EGFLAM: variants seen among roughly 807,000 people sequenced by gnomAD.
The protein encoded by EGFLAM is pikachurin.
A neutral mutation model predicts 113.1 loss-of-function variants in EGFLAM; 79 were observed. The ratio of observed to expected loss-of-function variants is 0.70; its 90% CI spans 0.58 to 0.84. The LOEUF is 0.84. EGFLAM is among the 40% of genes least tolerant of loss of function. The pLI, the probability that EGFLAM is intolerant of heterozygous loss-of-function variation, is 0.00. For synonymous variants in EGFLAM, 504 were observed against 487.6 expected (o/e 1.03, Z -0.44); for missense variants, 1,265 against 1,291.6 (o/e 0.98, Z 0.32).
Position 38,332,247 on chromosome 5 carries a change from A to C in EGFLAM, c.98-5273A>C, listed in dbSNP as rs1167858538. ...ATCTTTTTTGGTGAGATGTCTGTTAAGGTCTTGGTCCATCTTTCTTTTTTG... is the reference window on the plus strand; with the variant it reads ...ATCTTTTTTGGTGAGATGTCTGTTACGGTCTTGGTCCATCTTTCTTTTTTG... On this transcript the variant is annotated intron_variant, in intron 1 of 21. Coordinates refer to ENST00000322350, the MANE Select transcript of EGFLAM (RefSeq NM_152403.4). Among the ~76,000 whole-genome samples the C allele has an allele frequency of 3.3e-5, 5 of 152,106 alleles. No homozygotes were observed. In the East Asian group the frequency reaches 9.6e-4, roughly 29 times the overall value.
intron 1 of EGFLAM, among the ~76,000 whole-genome samples, chr5:38,286,672 G>C (rs1202810893): frequency 6.6e-6 from 1 of 152,172 alleles, no homozygotes; most frequent in East Asian, 1.9e-4. Context: ...TGAAACTCCA[G>C]TAAATTTACC....
intron 6 of EGFLAM, among the ~76,000 whole-genome samples, chr5:38,372,450 C>T (rs184039872): frequency 2.0e-5 from 3 of 152,282 alleles, no homozygotes; most frequent in Admixed American, 6.5e-5. Flanking sequence ...TGAGCCATGA[C>T]GCCCGGCCTC....
intron 15 of EGFLAM, among the ~76,000 whole-genome samples, chr5:38,433,181 C>A (rs1742240552): frequency 1.3e-5 from 2 of 152,198 alleles, no homozygotes; most frequent in African/African-American, 4.8e-5. Context: ...AGCTCAGAGA[C>A]AGGTAGGGCA....
At chr5:38,440,738 C>T (rs925846718) in intron 17 of EGFLAM, among the ~76,000 whole-genome samples, 1 of 152,068 alleles carries the variant, frequency 6.6e-6, no homozygotes, top group African/African-American at 2.4e-5. Context: ...AGAGCCTGTT[C>T]CCAGTATTCC....
intron 10 of EGFLAM, among the ~76,000 whole-genome samples, chr5:38,411,643 C>T (rs558261976): frequency 1.3e-5 from 2 of 151,484 alleles, no homozygotes; most frequent in South Asian, 4.2e-4. Flanking sequence ...CCATCGTGCT[C>T]AGTTAACTTT....
intron 17 of EGFLAM, among the ~76,000 whole-genome samples, chr5:38,441,050 G>A (rs1742516638): frequency 6.6e-6 from 1 of 152,108 alleles, no homozygotes; most frequent in Non-Finnish European, 1.5e-5. Flanking sequence ...TGGTTTCAGG[G>A]CCCCCGCTTT....
intron 6 of EGFLAM, among the ~76,000 whole-genome samples, chr5:38,393,209 G>T (rs773228207): frequency 1.3e-5 from 2 of 152,152 alleles, no homozygotes; most frequent in East Asian, 3.8e-4. Context: ...ACATCTTTAT[G>T]ATATAGAATC....
intron 1 of EGFLAM, among the ~76,000 whole-genome samples, chr5:38,327,241 C>T (rs1264467071): frequency 6.6e-6 from 1 of 152,166 alleles, no homozygotes; most frequent in Non-Finnish European, 1.5e-5. Flanking sequence ...TTGCTCCAAC[C>T]CAACTGGTGC....
intron 15 of EGFLAM, among the ~76,000 whole-genome samples, chr5:38,434,620 A>G (rs1742287657): frequency 6.6e-6 from 1 of 152,236 alleles, no homozygotes; most frequent in Admixed American, 6.5e-5. Flanking sequence ...ATACATATCC[A>G]CCAATGGTTA....
intron 11 of EGFLAM, among the ~76,000 whole-genome samples, chr5:38,417,737 A>G (rs10512684): frequency 0.16 from 23,978 of 152,118 alleles, 2,007 homozygotes; most frequent in East Asian, 0.24. Flanking sequence ...ACTGGTGTCA[A>G]GACTGGAAAG....
chr5:38,280,109 G>T (rs1373472590), intron 1 of EGFLAM, among the ~76,000 whole-genome samples: 2 of 152,152 alleles, frequency 1.3e-5, no homozygotes, highest in Non-Finnish European at 2.9e-5. Flanking sequence ...TTGCTAGTTG[G>T]TGCATATACA....
In EGFLAM at chr5:38,418,222, C is replaced by A. The variant is rs369365945; in HGVS notation, c.1651C>A (p.Pro551Thr). 2 of 1,613,730 alleles carry A rather than the reference C, an allele frequency of 1.2e-6. No homozygotes were observed. Among genetic ancestry groups the A allele is most frequent in the Non-Finnish European group, 1.7e-6 (2 of 1,179,922 alleles). ...NGRRIDMRPW[P>T]LGKALSGADV... is the part of the protein sequence containing the mutation. ...GAGGAGAATTGACATGAGGCCCTGG[C>A]CCCTGGGAAAAGCACTCAGTGGGGC... The change falls in exon 12 of 22, where the codon CCC (proline) becomes ACC (threonine). Residue 551 changes from proline (P) to threonine (T), a missense_variant. Transcript: ENST00000322350.
chr5:38,347,539 T>C (rs1300004423), intron 3 of EGFLAM, among the ~76,000 whole-genome samples: 1 of 151,970 alleles, frequency 6.6e-6, no homozygotes, highest in African/African-American at 2.4e-5. Flanking sequence ...ATCTGAGTCA[T>C]GAAGAATGAG....
chr5:38,445,421 GCCACGC>G, intron 17 of EGFLAM: 4 of 1,320,340 alleles, frequency 3.0e-6, no homozygotes, highest in Non-Finnish European at 3.9e-6. Context: ...TTGGTCCACC[GCCACGC>G]CCACCTTCAA....
intron 1 of EGFLAM, among the ~76,000 whole-genome samples, chr5:38,297,761 C>T (rs957747866): frequency 1.3e-5 from 2 of 152,198 alleles, no homozygotes; most frequent in Admixed American, 6.5e-5. Context: ...TGCTTATTGT[C>T]CCTGGGCTCA....
chr5:38,442,157 A>T (rs72742511), intron 17 of EGFLAM, among the ~76,000 whole-genome samples: 147 of 151,940 alleles, frequency 9.7e-4, no homozygotes, highest in Non-Finnish European at 1.7e-3. Context: ...TATATATATA[A>T]AAAAAGCTTC....
intron 6 of EGFLAM, among the ~76,000 whole-genome samples, chr5:38,381,659 A>G (rs1021460470): frequency 2.6e-5 from 4 of 152,198 alleles, no homozygotes; most frequent in African/African-American, 9.7e-5. Flanking sequence ...TATGACCTTC[A>G]GACATGTGTC....
At chr5:38,334,691 T>A (rs918951233) in intron 1 of EGFLAM, among the ~76,000 whole-genome samples, 1 of 152,174 alleles carries the variant, frequency 6.6e-6, no homozygotes, top group Non-Finnish European at 1.5e-5. Flanking sequence ...TTTAAACAAA[T>A]TTTTTCATTC....
intron 19 of EGFLAM, 67 bp from the exon 20 acceptor site, chr5:38,458,244 G>A: frequency 1.4e-6 from 2 of 1,444,462 alleles, no homozygotes; most frequent in Non-Finnish European, 1.9e-6. Flanking sequence ...AATCGTCTGT[G>A]AACCGTGTCT....
Sources: gnomAD v4.1 joint callset for allele counts (sites outside exome capture counted in the v4.1 genomes callset) on GRCh38, gnomAD v4.1.1 for gene constraint, MANE v1.5 for transcripts, NCBI Gene and HGNC (gene_info 2026-07-23, HGNC 2026-07-21) for gene names.